The following UBAP2L variants were observed in gnomAD, a reference collection of about 807,000 sequenced individuals.
UBAP2L encodes ubiquitin associated protein 2 like.
Under a neutral mutation model 130.6 loss-of-function variants are expected in UBAP2L, and 12 were observed. The ratio of observed to expected loss-of-function variants is 0.09; its 90% CI spans 0.06 to 0.15. The LOEUF (loss-of-function observed/expected upper bound fraction) is 0.15. Among genes scored for constraint, UBAP2L ranks in the 10% least tolerant of loss-of-function variants. The probability of loss-of-function intolerance (pLI) is 1.00; values close to 1 mark genes in which losing one functional copy is unlikely to be tolerated. For synonymous variants in UBAP2L, 503 were observed against 524.7 expected, an observed-to-expected ratio of 0.96 and a Z score of 0.57; for missense variants, 965 against 1,332.5, an observed-to-expected ratio of 0.72 and a Z score of 4.29.
intron 25 of UBAP2L, among the ~76,000 whole-genome samples, chr1:154,267,154 T>TG (rs1305728739): frequency 6.9e-6 from 1 of 145,684 alleles, no homozygotes. Context: ...CCAACGAGTT[T>TG]TTTTTTTTTT....
At chr1:154,255,038 C>A in intron 16 of UBAP2L, 114 bp from the exon 17 acceptor site, 1 of 1,411,554 alleles carries the variant, frequency 7.1e-7, no homozygotes, top group South Asian at 1.3e-5. Context: ...CTAATATAGT[C>A]CATTGTTAAA....
chr1:154,231,537 GTGA>G (rs1458880317), intron 4 of UBAP2L, among the ~76,000 whole-genome samples: 1 of 152,096 alleles, frequency 6.6e-6, no homozygotes, highest in Non-Finnish European at 1.5e-5. Context: ...CTGGCCTCAA[GTGA>G]TCCACCCTCC....
At chr1:154,267,489 G>A (rs1372238584) in intron 25 of UBAP2L, among the ~76,000 whole-genome samples, 1 of 149,474 alleles carries the variant, frequency 6.7e-6, no homozygotes, top group African/African-American at 2.5e-5. Context: ...GGAAGGGGTA[G>A]GGACACTATT....
rs148117746 is a variant in UBAP2L, at chr1:154,240,184, G to A, written c.704-1329G>A. Among the ~76,000 whole-genome samples the A allele has an allele frequency of 8.6e-3, 1,309 of 152,184 alleles. 12 individuals carry two copies. Among genetic ancestry groups the A allele is most frequent in the Non-Finnish European group, 0.013 (872 of 68,006 alleles). On this transcript the variant is annotated intron_variant, in intron 8 of 26. Coordinates refer to ENST00000428931, the MANE Select transcript of UBAP2L (RefSeq NM_014847.4). ...GAGTTATTTAATATATATTATTCTA[G>A]CAAGAAAATAAGGGTGCTCTTGTCC...
chr1:154,220,447 G>A (rs778792352), upstream of UBAP2L: 1 of 1,611,506 alleles, frequency 6.2e-7, no homozygotes, highest in East Asian at 2.2e-5. Context: ...GGTTTACCCC[G>A]CTGTCCTGGC....
At chr1:154,229,699 A>G (rs887195247) in intron 4 of UBAP2L, among the ~76,000 whole-genome samples, 4 of 152,088 alleles carry the variant, frequency 2.6e-5, no homozygotes, top group African/African-American at 9.7e-5. Context: ...CCTGGACTCA[A>G]GCTAGCTGCC....
In UBAP2L at chr1:154,249,382, C is replaced by T; in HGVS notation, c.1158C>T (p.Thr386=). The change falls in exon 12 of 27, where the codon ACC becomes ACT. Residue 386 remains threonine, a synonymous_variant. Transcript: ENST00000428931. The stretch of plus-strand genomic sequence containing the variant: ...AGCATTCTCAGTCTGGAAGCACCAC[C>T]ACCTCCTCTTGGGACATGGGCTCGA... ...AAQHSQSGST[T]TSSWDMGSTT... is the part of the protein sequence containing the mutation. 1 of 1,614,184 alleles carries T rather than the reference C, an allele frequency of 6.2e-7. No homozygotes were observed. Among genetic ancestry groups the T allele is most frequent in the South Asian group, 1.1e-5 (1 of 91,088 alleles).
chr1:154,228,036 T>C (rs1361490597), intron 3 of UBAP2L, among the ~76,000 whole-genome samples: 1 of 152,300 alleles, frequency 6.6e-6, no homozygotes, highest in African/African-American at 2.4e-5. Context: ...GTAAATACTT[T>C]TGACCTCATC....
chr1:154,245,737 A>G (rs1313625896), intron 10 of UBAP2L, among the ~76,000 whole-genome samples: 1 of 149,732 alleles, frequency 6.7e-6, no homozygotes, highest in Non-Finnish European at 1.5e-5. Context: ...AACACGTGAA[A>G]CCCCTTCTCT....
chr1:154,260,366 G>A (rs1037230607), intron 22 of UBAP2L, among the ~76,000 whole-genome samples: 3 of 152,184 alleles, frequency 2.0e-5, no homozygotes, highest in Non-Finnish European at 4.4e-5. Flanking sequence ...TCTTGACTTA[G>A]TTTCAAGCCA....
At chr1:154,266,384 G>T (rs1683235723) in intron 24 of UBAP2L, 117 bp from the exon 25 acceptor site, 2 of 1,127,256 alleles carry the variant, frequency 1.8e-6, no homozygotes, top group South Asian at 1.3e-5. Flanking sequence ...CTGGAAAACC[G>T]ACCAAAATTC....
upstream of UBAP2L, chr1:154,220,436 G>C: frequency 6.2e-7 from 1 of 1,613,918 alleles, no homozygotes; most frequent in South Asian, 1.1e-5. Context: ...AGAATTGTTC[G>C]GGTTTACCCC....
chr1:154,267,501 G>A (rs1683629205), intron 25 of UBAP2L, among the ~76,000 whole-genome samples: 1 of 140,922 alleles, frequency 7.1e-6, no homozygotes, highest in Admixed American at 7.0e-5. Flanking sequence ...GACACTATTG[G>A]TTTGCCTTTT....
At chr1:154,261,176 T>C (rs1681412170) in intron 23 of UBAP2L, 67 bp downstream of exon 23, 5 of 1,503,608 alleles carry the variant, frequency 3.3e-6, no homozygotes, top group Non-Finnish European at 4.5e-6. Flanking sequence ...TCCTAGCTGC[T>C]TTTAAGGGTC....
chr1:154,268,507 C>T (rs1684021056), intron 25 of UBAP2L, among the ~76,000 whole-genome samples: 1 of 152,170 alleles, frequency 6.6e-6, no homozygotes, highest in African/African-American at 2.4e-5. Flanking sequence ...GTCTTTACAA[C>T]AGGTTTGTAG....
intron 12 of UBAP2L, among the ~76,000 whole-genome samples, chr1:154,250,033 A>G (rs1258752846): frequency 1.3e-5 from 2 of 152,210 alleles, no homozygotes; most frequent in East Asian, 3.9e-4. Context: ...CTTATACAGT[A>G]AGTCTTCACT....
chr1:154,255,033 A>G, intron 16 of UBAP2L, 119 bp from the exon 17 acceptor site: 1 of 1,411,276 alleles, frequency 7.1e-7, no homozygotes, highest in Non-Finnish European at 9.7e-7. Flanking sequence ...TCTACCTAAT[A>G]TAGTCCATTG....
chr1:154,270,720 T>C lies in UBAP2L; in HGVS notation c.*425T>C. ...AACAACAAACAAAAAAATGGCGTCA[T>C]GAATATGAACAGCATTGTCAGATGA... is the stretch of plus-strand genomic sequence containing the variant. On this transcript the variant is annotated 3_prime_UTR_variant, in exon 27 of 27. Coordinates refer to ENST00000428931, the MANE Select transcript of UBAP2L (RefSeq NM_014847.4). 7.1e-7 allele frequency: 1 copy of C among 1,409,798 alleles called. No individual in the cohort carries two copies. Among genetic ancestry groups the C allele is most frequent in the Non-Finnish European group, 9.2e-7 (1 of 1,088,502 alleles). 87.3% of individuals were successfully genotyped at this position (1,409,798 alleles called of 1,614,324 possible). A position where few individuals can be genotyped will look rare whatever the true frequency, so the allele number is the denominator to read the frequency against.
chr1:154,226,700 G>A (rs553807451), intron 2 of UBAP2L, among the ~76,000 whole-genome samples: 109 of 152,320 alleles, frequency 7.2e-4, no homozygotes, highest in African/African-American at 2.5e-3. Context: ...TGAATTAAGG[G>A]GCAGATGTTT....
Sources: gnomAD v4.1 joint callset for allele counts (sites outside exome capture counted in the v4.1 genomes callset) on GRCh38, gnomAD v4.1.1 for gene constraint, MANE v1.5 for transcripts, NCBI Gene and HGNC (gene_info 2026-07-23, HGNC 2026-07-21) for gene names.